The following BPTF variants were observed in gnomAD, a reference collection of about 807,000 sequenced individuals.
BPTF encodes the protein bromodomain PHD finger transcription factor.
In BPTF, 18 loss-of-function variants were observed where a neutral mutation model predicts 292.5. The ratio of observed to expected loss-of-function variants is 0.06; its 90% CI spans 0.04 to 0.09. The LOEUF is 0.09. Among genes scored for constraint, BPTF ranks in the 10% least tolerant of loss-of-function variants. BPTF has a pLI of 1.00. For missense variants in BPTF, 2,726 were observed against 3,498.7 expected, an observed-to-expected ratio of 0.78 and a Z score of 5.57; for synonymous variants, 1,225 against 1,251.9, an observed-to-expected ratio of 0.98 and a Z score of 0.45.
At chr17:67,879,534 G>C (rs1211114068) in intron 4 of BPTF, among the ~76,000 whole-genome samples, 2 of 152,168 alleles carry the variant, frequency 1.3e-5, no homozygotes, top group East Asian at 3.8e-4. Context: ...CACTTCTTTA[G>C]TAGATAATGG....
chr17:67,857,558 C>T (rs538357474), intron 2 of BPTF, among the ~76,000 whole-genome samples: 1 of 151,682 alleles, frequency 6.6e-6, no homozygotes, highest in East Asian at 2.0e-4. Context: ...CCTCGACCTC[C>T]TGGGCTCAAG....
intron 1 of BPTF, among the ~76,000 whole-genome samples, chr17:67,830,910 G>T (rs1300460064): frequency 6.6e-6 from 1 of 152,156 alleles, no homozygotes; most frequent in African/African-American, 2.4e-5. Flanking sequence ...GCAGCACCAT[G>T]CACAAACATG....
chr17:67,920,723 TAA>T (rs1053534386), intron 13 of BPTF, among the ~76,000 whole-genome samples: 1 of 152,172 alleles, frequency 6.6e-6, no homozygotes, highest in African/African-American at 2.4e-5. Context: ...TGCAGTAAGC[TAA>T]GAGAGTAATA....
At chr17:67,915,388 T>C (rs2062916866) in intron 11 of BPTF, among the ~76,000 whole-genome samples, 1 of 152,222 alleles carries the variant, frequency 6.6e-6, no homozygotes, top group Admixed American at 6.5e-5. Context: ...GGAAAGCATT[T>C]GTCACCTGTA....
intron 4 of BPTF, among the ~76,000 whole-genome samples, chr17:67,884,519 G>C (rs1465295891): frequency 6.6e-6 from 1 of 151,680 alleles, no homozygotes; most frequent in Non-Finnish European, 1.5e-5. Flanking sequence ...GGGTTCAAAT[G>C]ATCTTCCTGC....
intron 17 of BPTF, 56 bp from the exon 18 acceptor site, chr17:67,931,855 T>C: frequency 7.4e-7 from 1 of 1,344,562 alleles, no homozygotes; most frequent in Non-Finnish European, 1.0e-6. Context: ...TCTAAGTCCA[T>C]TATACTTTAA....
chr17:67,913,283 T>G (rs1338396874), intron 11 of BPTF, 96 bp downstream of exon 11: 5 of 1,457,608 alleles, frequency 3.4e-6, no homozygotes, highest in African/African-American at 2.8e-5. Context: ...ATAATAGAGA[T>G]AAGACAGGAA....
intron 14 of BPTF, among the ~76,000 whole-genome samples, chr17:67,924,068 G>A (rs950751239): frequency 4.6e-5 from 7 of 151,838 alleles, no homozygotes; most frequent in Non-Finnish European, 1.0e-4. Flanking sequence ...GCACAATCTC[G>A]GCTCACTGCA....
chr17:67,888,168 T>A (rs2060864530), intron 4 of BPTF, among the ~76,000 whole-genome samples: 1 of 152,322 alleles, frequency 6.6e-6, no homozygotes, highest in African/African-American at 2.4e-5. Flanking sequence ...TCAAAAATGG[T>A]TCTGCCTAAT....
In BPTF at chr17:67,945,429, A is replaced by G. The variant is rs372696064; in HGVS notation, c.6721A>G (p.Ser2241Gly). 13 of 1,613,602 alleles carry G rather than the reference A, an allele frequency of 8.1e-6. No individual in the cohort carries two copies. The East Asian group carries it at 1.1e-4, about 14-fold the overall frequency. ...TACAGGTACAGGTGAACAAAGGCAG[A>G]GTAAACTGTCACCCCAGATGCAGGT... is the stretch of plus-strand genomic sequence containing the variant. ...TAAGTGEQRQ[S>G]KLSPQMQVHQ... The change falls in exon 21 of 28, where the codon AGT becomes GGT. Residue 2241 changes from serine (S) to glycine (G), a missense_variant. Around this residue, in one of 22 missense-constraint regions of BPTF, gnomAD observed 570 missense variants for 633.5 expected, o/e 0.90. Transcript: ENST00000306378.
In BPTF at chr17:67,959,727, C is replaced by G; in HGVS notation, c.8113C>G (p.Pro2705Ala). 6.2e-7 allele frequency: 1 copy of G among 1,613,950 alleles called. No individual in the cohort carries two copies. Among genetic ancestry groups the G allele is most frequent in the Non-Finnish European group, 8.5e-7 (1 of 1,179,984 alleles). ...HTGLLSTPTL[P>A]AASQKRKREE... ...AGGCCTTCTGTCCACGCCCACCTTA[C>G]CTGCTGCTTCCCAGAAGAGGAAGCG... Residue 2705 changes from proline (P) to alanine (A), a missense_variant, in exon 24 of 28, where the codon CCT becomes GCT. Pro to Ala is a conservative substitution (Grantham distance 27, BLOSUM62 -1). Coordinates refer to ENST00000306378, the MANE Select transcript of BPTF (RefSeq NM_182641.4).
chr17:67,911,483 G>A lies in BPTF; in HGVS notation c.3599G>A (p.Gly1200Asp). 1 of 1,613,972 alleles carries A rather than the reference G, an allele frequency of 6.2e-7. No homozygotes were observed. Reference protein sequence around the residue: ...EEKVSDLASRGQEPSKSKTKG... With the variant: ...EEKVSDLASRDQEPSKSKTKG... ...AAAGTCTCTGACCTTGCCAGTAGAG[G>A]CCAGGAACCCAGTAAGAGTAAAACA... The change falls in exon 11 of 28, where the codon GGC becomes GAC. Residue 1200 changes from glycine (G) to aspartate (D), a missense_variant. By Grantham distance (94) the Gly-to-Asp change is moderately conservative. This residue lies in a region of BPTF where 713 missense variants were observed against 714.9 expected (regional missense o/e 1.00). Coordinates refer to ENST00000306378, the MANE Select transcript of BPTF (RefSeq NM_182641.4).
At chr17:67,899,169 A>G (rs73336764) in intron 7 of BPTF, among the ~76,000 whole-genome samples, 3,444 of 152,306 alleles carry the variant, frequency 0.023, 135 homozygotes, top group African/African-American at 0.079. Context: ...TGCTGAAGCA[A>G]TAATGCAGGT....
chr17:67,833,485 T>C (rs1291123833), intron 1 of BPTF, among the ~76,000 whole-genome samples: 1 of 152,196 alleles, frequency 6.6e-6, no homozygotes, highest in Non-Finnish European at 1.5e-5. Context: ...TTCGTGTACA[T>C]GTTTTTATCT....
intron 25 of BPTF, 198 bp from the exon 26 acceptor site, chr17:67,966,374 C>T: frequency 2.0e-6 from 1 of 506,004 alleles, no homozygotes; most frequent in Admixed American, 3.5e-5. Context: ...AGTCTTCTGA[C>T]CAGCCTTTGA....
intron 4 of BPTF, among the ~76,000 whole-genome samples, chr17:67,877,817 G>C (rs1020924247): frequency 2.2e-4 from 34 of 152,216 alleles, no homozygotes; most frequent in African/African-American, 8.2e-4. Flanking sequence ...CAAGTAAGTA[G>C]AGACAAGGTC....
rs1598683058 is a variant in BPTF, at chr17:67,923,085, T to G, written c.5708+95T>G. 1.3e-5 allele frequency: 18 copies of G among 1,369,786 alleles called. No individual in the cohort carries two copies. In the East Asian group the frequency reaches 4.2e-4, roughly 32 times the overall value. 84.9% of individuals were successfully genotyped at this position (1,369,786 alleles called of 1,614,324 possible). On this transcript the variant is annotated intron_variant, in intron 14 of 27. Transcript: ENST00000306378. ...TTTTTTTTTTTTTTGAGACAGGATC[T>G]TGCTCTGTCACCCAGGCTGGAGTGC... is the stretch of plus-strand genomic sequence containing the variant.
intron 1 of BPTF, among the ~76,000 whole-genome samples, chr17:67,830,079 T>C (rs183664918): frequency 6.6e-6 from 1 of 152,384 alleles, no homozygotes; most frequent in Admixed American, 6.5e-5. Flanking sequence ...TAGACTTACT[T>C]CAGCCTATAG....
intron 16 of BPTF, 191 bp from the exon 17 acceptor site, chr17:67,929,145 T>C: frequency 7.4e-7 from 1 of 1,355,916 alleles, no homozygotes. Flanking sequence ...AAGTTTTAAT[T>C]CACATTTGCC....
Sources: gnomAD v4.1 joint callset for allele counts (sites outside exome capture counted in the v4.1 genomes callset) on GRCh38, gnomAD v4.1.1 for gene constraint, gnomAD v4.1.1 regional missense constraint, MANE v1.5 for transcripts, NCBI Gene and HGNC (gene_info 2026-07-23, HGNC 2026-07-21) for gene names.